Variants in BBC3 observed in about 807,000 individuals in gnomAD.
The protein encoded by BBC3 is BCL2 binding component 3.
In BBC3, 5 loss-of-function variants were observed where a neutral mutation model predicts 18.2. The observed-to-expected ratio is 0.27, with a 90% CI of 0.14 to 0.58. The LOEUF is 0.58. Ranked by LOEUF, BBC3 falls within the 20% of genes least tolerant of loss-of-function variation. BBC3 has a pLI of 0.91. For synonymous variants in BBC3, 119 were observed against 128.0 expected (o/e 0.93, Z 0.47); for missense variants, 224 against 268.9 (o/e 0.83, Z 1.17).
upstream of BBC3, chr19:47,231,251 G>GC (rs1555800332): frequency 6.7e-6 from 4 of 597,694 alleles, no homozygotes; most frequent in African/African-American, 6.1e-5. The surrounding 1 kb of genome is among the most constrained non-coding windows in gnomAD (Gnocchi z 4.0). Context: ...GCCCCGCCCC[G>GC]CCCCGCCCCC....
Position 47,228,040 on chromosome 19 carries a change from A to G in BBC3, c.274+118T>C. On this transcript the variant is annotated intron_variant, in intron 2 of 3. Transcript: ENST00000439096. The surrounding 1 kb of genome is among the most constrained non-coding windows in gnomAD (Gnocchi z 5.5). The stretch of plus-strand genomic sequence containing the variant: ...AAGACCACATTGGCCACACCCTCCC[A>G]GTGGCCCGGCTGGGCCCGCCACCTC... 2 of 811,646 alleles carry G rather than the reference A, an allele frequency of 2.5e-6. No homozygotes were observed. Among genetic ancestry groups the G allele is most frequent in the Non-Finnish European group, 3.3e-6 (2 of 613,492 alleles). 50.3% of individuals were successfully genotyped at this position (811,646 alleles called of 1,614,324 possible). A position where few individuals can be genotyped will look rare whatever the true frequency, so the allele number is the denominator to read the frequency against.
At chr19:47,226,891 A>T in intron 2 of BBC3, 137 bp from the exon 3 acceptor site, 2 of 779,468 alleles carry the variant, frequency 2.6e-6, no homozygotes, top group Non-Finnish European at 1.9e-6. Context: ...TCAATTTCTC[A>T]GCTTCTCCTC....
At chr19:47,225,343 A>T (rs1305036942) in intron 3 of BBC3, among the ~76,000 whole-genome samples, 5 of 149,486 alleles carry the variant, frequency 3.3e-5, no homozygotes, top group African/African-American at 1.2e-4. Context: ...CCACTGCACC[A>T]GGCCGAAAAT....
At chr19:47,221,974 G>C in intron 3 of BBC3, 56 bp from the exon 4 acceptor site, 1 of 1,471,938 alleles carries the variant, frequency 6.8e-7, no homozygotes, top group Non-Finnish European at 9.2e-7. Context: ...GGTGATGGGA[G>C]TGGGGATGGT....
upstream of BBC3, among the ~76,000 whole-genome samples, chr19:47,231,615 A>C (rs192377480): frequency 1.9e-3 from 295 of 152,302 alleles, 1 homozygote; most frequent in African/African-American, 6.8e-3. The surrounding 1 kb of genome is among the most constrained non-coding windows in gnomAD (Gnocchi z 4.0). Context: ...ACAAGGCCAC[A>C]GTCTCGCAAA....
intron 2 of BBC3, chr19:47,227,168 C>G (rs1600245506): frequency 6.3e-6 from 1 of 157,528 alleles, no homozygotes; most frequent in Non-Finnish European, 1.4e-5. Flanking sequence ...AGATCACAAG[C>G]CTCAGGTCTC....
chr19:47,230,585 C>T lies in BBC3; in HGVS notation c.-16+344G>A, dbSNP rs939425457. On this transcript the variant is annotated intron_variant, in intron 1 of 3. Coordinates refer to ENST00000439096, the MANE Select transcript of BBC3 (RefSeq NM_014417.5). The surrounding 1 kb of genome is among the most constrained non-coding windows in gnomAD (Gnocchi z 6.7). ...GTGTGGCCGCCCCTCCGTGCCGCCC[C>T]CCCGCCCCTCCCGGACTTTGGGGGC... Among the ~76,000 whole-genome samples, 4 of 151,666 alleles carry T rather than the reference C, an allele frequency of 2.6e-5. No individual in the cohort carries two copies. Among genetic ancestry groups the T allele is most frequent in the African/African-American group, 9.7e-5 (4 of 41,338 alleles).
upstream of BBC3, chr19:47,231,283 GC>G (rs1600255251): frequency 1.2e-6 from 1 of 807,608 alleles, no homozygotes; most frequent in Non-Finnish European, 1.5e-6. The surrounding 1 kb of genome is among the most constrained non-coding windows in gnomAD (Gnocchi z 4.0). Flanking sequence ...CCCACGCCCC[GC>G]CCCCGCGTGA....
Position 47,230,972 on chromosome 19 carries a change from G to A in BBC3, c.-59C>T. ...CCGGAGGGGGCGGCGGTGGGGGGCG[G>A]GCGGCTTCCTTCAGGAGGGCGCGCC... On this transcript the variant is annotated 5_prime_UTR_variant, in exon 1 of 4. Transcript: ENST00000439096. This position sits in a 1 kb window ranked among gnomAD's most constrained non-coding sequence, Gnocchi z 6.7. The A allele has an allele frequency of 6.1e-6, 6 of 984,562 alleles. No individual in the cohort carries two copies. Among genetic ancestry groups the A allele is most frequent in the Non-Finnish European group, 7.2e-6 (6 of 829,024 alleles). 61.0% of individuals were successfully genotyped at this position (984,562 alleles called of 1,614,324 possible).
chr19:47,224,707 T>C (rs1476466762), intron 3 of BBC3, among the ~76,000 whole-genome samples: 1 of 151,438 alleles, frequency 6.6e-6, no homozygotes, highest in East Asian at 1.9e-4. Context: ...TCCAACAGAA[T>C]ACTATGTAGC....
intron 3 of BBC3, 140 bp from the exon 4 acceptor site, chr19:47,222,058 A>G (rs1463828107): frequency 8.3e-6 from 6 of 720,990 alleles, no homozygotes; most frequent in Non-Finnish European, 1.3e-5. Context: ...GCTAATGTCC[A>G]TGTCTCGGAG....
rs2058748239 is a variant in BBC3 at position 47,221,425 on chromosome 19, A to AG, written c.*376dup. 1.7e-5 allele frequency: 3 copies of AG among 176,624 alleles called. No homozygotes were observed. The highest frequency in any genetic ancestry group is 8.1e-5 in the South Asian group (1 of 12,318). The allele number at this position is 176,624 out of a possible 1,614,324, so 10.9% of individuals were successfully genotyped here. ...CAGAGTGAAGGAGCACCGAGAGGAG[A>AG]GCCCCCCCCTCCCAGTGTCACCCCT... On this transcript the variant is annotated 3_prime_UTR_variant, in exon 4 of 4. Transcript: ENST00000439096.
At chr19:47,232,494 T>G (rs2058923929), upstream of BBC3, 4 of 1,543,068 alleles carry the variant, frequency 2.6e-6, no homozygotes, top group African/African-American at 4.1e-5. Context: ...CGTCGGAGCA[T>G]GCACACCTGG....
chr19:47,231,293 G>A (rs1365244798), upstream of BBC3: 1 of 759,076 alleles, frequency 1.3e-6, no homozygotes, highest in African/African-American at 1.9e-5. This position sits in a 1 kb window ranked among gnomAD's most constrained non-coding sequence, Gnocchi z 4.0. Flanking sequence ...GCCCCCGCGT[G>A]ACGCTACGGC....
In BBC3 at chr19:47,228,383, G is replaced by A; in HGVS notation, c.49C>T (p.Leu17=). The change falls in exon 2 of 4, where the codon CTG becomes TTG. Residue 17 remains leucine, a synonymous_variant. Transcript: ENST00000439096. The surrounding 1 kb of genome is among the most constrained non-coding windows in gnomAD (Gnocchi z 5.5). ...EGSSPEPVEG[L]ARDGPRPFPL... The stretch of plus-strand genomic sequence containing the variant: ...AAGGGGCGCGGGCCGTCGCGGGCCA[G>A]GCCCTCTACGGGCTCCGGGGAGCTG... 2 of 1,231,628 alleles carry A rather than the reference G, an allele frequency of 1.6e-6. No individual in the cohort carries two copies. Among genetic ancestry groups the A allele is most frequent in the Non-Finnish European group, 2.0e-6 (2 of 987,964 alleles). The allele number at this position is 1,231,628 out of a possible 1,614,324, so 76.3% of individuals were successfully genotyped here. A position where few individuals can be genotyped will look rare whatever the true frequency, so the allele number is the denominator to read the frequency against.
rs1235239286 is a variant in BBC3 at position 47,220,835 on chromosome 19, T to A, written c.*967A>T. On this transcript the variant is annotated 3_prime_UTR_variant, in exon 4 of 4. Coordinates refer to ENST00000439096, the MANE Select transcript of BBC3 (RefSeq NM_014417.5). ...GCAGAAAGAGTATCCACTGTTCCAA[T>A]CTGATTTTATTGAAAAGGAAACATA... is the stretch of plus-strand genomic sequence containing the variant. The A allele has an allele frequency of 6.6e-6, 1 of 152,196 alleles. No homozygotes were observed. Among genetic ancestry groups the A allele is most frequent in the African/African-American group, 2.4e-5 (1 of 41,422 alleles). 9.4% of individuals were successfully genotyped at this position (152,196 alleles called of 1,614,324 possible).
rs2058910268 is a variant in BBC3, at chr19:47,231,190, G to T, written c.-277C>A. 9 of 983,280 alleles carry T rather than the reference G, an allele frequency of 9.2e-6. No individual in the cohort carries two copies. The highest frequency in any genetic ancestry group is 8.4e-6 in the Non-Finnish European group (7 of 828,970). The allele number at this position is 983,280 out of a possible 1,614,324, so 60.9% of individuals were successfully genotyped here. The stretch of plus-strand genomic sequence containing the variant: ...AGGCGCCCGCTCGCATGTGGCTCGC[G>T]CCGCGTCTCAGGCCGCCCGGCGGAT... On this transcript the variant is annotated 5_prime_UTR_variant, in exon 1 of 4. Coordinates refer to ENST00000439096, the MANE Select transcript of BBC3 (RefSeq NM_014417.5). The surrounding 1 kb of genome is among the most constrained non-coding windows in gnomAD (Gnocchi z 4.0).
intron 3 of BBC3, among the ~76,000 whole-genome samples, chr19:47,226,252 C>A (rs905542269): frequency 2.0e-5 from 3 of 151,704 alleles, no homozygotes; most frequent in African/African-American, 7.3e-5. Flanking sequence ...ATATATGAGC[C>A]GCGCCGCCCA....
intron 3 of BBC3, 99 bp downstream of exon 3, chr19:47,226,465 G>T: frequency 1.1e-6 from 1 of 910,506 alleles, no homozygotes; most frequent in Non-Finnish European, 1.5e-6. Context: ...CGACCCAGCC[G>T]CGCAGGGCAG....
Sources: allele counts gnomAD v4.1 joint callset (sites outside exome capture counted in the v4.1 genomes callset), GRCh38; gene constraint gnomAD v4.1.1; non-coding constraint Gnocchi (gnomAD v3.1); transcripts MANE v1.5; gene names NCBI Gene and HGNC (gene_info 2026-07-23, HGNC 2026-07-21).